The following FAM3C variants were observed in gnomAD, a reference collection of about 807,000 sequenced individuals.
FAM3C encodes FAM3 metabolism regulating signaling molecule C, also known as protein FAM3C.
In FAM3C, 15 loss-of-function variants were observed where a neutral mutation model predicts 32.5. The observed-to-expected ratio is 0.46, with a 90% CI of 0.31 to 0.71. FAM3C has a LOEUF of 0.71. FAM3C is among the 30% of genes least tolerant of loss of function. The pLI is 0.05. For synonymous variants in FAM3C, 75 were observed against 86.1 expected (o/e 0.87, Z 0.72); for missense variants, 175 against 274.4 (o/e 0.64, Z 2.56).
At chr7:121,361,527 C>T (rs1443292229) in intron 7 of FAM3C, among the ~76,000 whole-genome samples, 1 of 152,198 alleles carries the variant, frequency 6.6e-6, no homozygotes, top group African/African-American at 2.4e-5. Context: ...ATTTCAACAA[C>T]AGCTTTGTAA....
rs1057047520 is a variant in FAM3C at position 121,362,172 on chromosome 7, C to T, written c.382+725G>A. ...TCAAAAGATAAACCAGTGTTGGCCT[C>T]CCTTCAAACTGGAGGAAAAAAACCC... On this transcript the variant is annotated intron_variant, in intron 7 of 9. Coordinates refer to ENST00000359943, the MANE Select transcript of FAM3C (RefSeq NM_014888.3). Among the ~76,000 whole-genome samples, 5 of 152,164 alleles carry T rather than the reference C, an allele frequency of 3.3e-5. No homozygotes were observed. The East Asian group carries it at 9.6e-4, about 29-fold the overall frequency.
chr7:121,383,807 G>C (rs906734912), intron 1 of FAM3C, among the ~76,000 whole-genome samples: 2 of 152,136 alleles, frequency 1.3e-5, no homozygotes, highest in African/African-American at 2.4e-5. Flanking sequence ...TAATAAGAAA[G>C]CCACATTCAA....
chr7:121,353,680 C>T (rs948392897), intron 8 of FAM3C, among the ~76,000 whole-genome samples: 1 of 152,192 alleles, frequency 6.6e-6, no homozygotes, highest in African/African-American at 2.4e-5. Flanking sequence ...GCCTACATGA[C>T]CAGCCCCTAA....
chr7:121,356,961 C>A (rs1230668413), intron 8 of FAM3C, among the ~76,000 whole-genome samples: 1 of 152,104 alleles, frequency 6.6e-6, no homozygotes, highest in South Asian at 2.1e-4. Flanking sequence ...AATCAAGAAA[C>A]ACCATGATTA....
intron 5 of FAM3C, among the ~76,000 whole-genome samples, chr7:121,369,025 G>A (rs1311888350): frequency 6.9e-6 from 1 of 145,484 alleles, no homozygotes; most frequent in Non-Finnish European, 1.5e-5. Context: ...GCCCACCCAG[G>A]CTGCAGTGCA....
chr7:121,373,920 C>T (rs1327069951), intron 3 of FAM3C, among the ~76,000 whole-genome samples: 1 of 150,238 alleles, frequency 6.7e-6, no homozygotes, highest in East Asian at 1.9e-4. Context: ...GGCGTGAACC[C>T]GCGAGGTGGA....
rs200852373 is a variant in FAM3C, at chr7:121,390,852, GC to G, written c.-42+5309del. Among the ~76,000 whole-genome samples the G allele has an allele frequency of 8.6e-4, 26 of 30,084 alleles. 3 individuals are homozygous for G. Among genetic ancestry groups the G allele is most frequent in the South Asian group, 2.6e-3 (1 of 392 alleles). 19.7% of individuals were successfully genotyped at this position (30,084 alleles called of 152,430 possible). A position where few individuals can be genotyped will look rare whatever the true frequency, so the allele number is the denominator to read the frequency against. On this transcript the variant is annotated intron_variant, in intron 1 of 9. Transcript: ENST00000359943. ...ACACACACAGGAAAGGCTGTGTGGG[GC>G]GGGGGGGGGGGGGGGGGGGAAGGTA...
At chr7:121,391,987 C>T (rs1167327785) in intron 1 of FAM3C, among the ~76,000 whole-genome samples, 8 of 152,202 alleles carry the variant, frequency 5.3e-5, no homozygotes, top group Non-Finnish European at 8.8e-5. Flanking sequence ...AATTACATAT[C>T]TAGGGGACCT....
At chr7:121,371,463 A>G (rs746939144) in intron 4 of FAM3C, 40 bp from the exon 5 acceptor site, 1 of 1,606,504 alleles carries the variant, frequency 6.2e-7, no homozygotes, top group South Asian at 1.1e-5. Context: ...TTAGAAAACA[A>G]GTTAACAGAC....
At chr7:121,383,545 T>C (rs1332083450) in intron 1 of FAM3C, among the ~76,000 whole-genome samples, 1 of 152,188 alleles carries the variant, frequency 6.6e-6, no homozygotes, top group African/African-American at 2.4e-5. Context: ...GACCTCTTCA[T>C]GTTTTTCGAT....
chr7:121,395,254 T>C (rs1794662243), intron 1 of FAM3C, among the ~76,000 whole-genome samples: 1 of 139,584 alleles, frequency 7.2e-6, no homozygotes. Flanking sequence ...TATATATGGA[T>C]ACATACATAT....
intron 5 of FAM3C, among the ~76,000 whole-genome samples, chr7:121,364,894 T>C (rs902373985): frequency 1.3e-5 from 2 of 152,148 alleles, no homozygotes; most frequent in African/African-American, 4.8e-5. Context: ...ATTAGAATTA[T>C]TAAACTAAAA....
At chr7:121,363,711 T>C (rs1180905599) in intron 6 of FAM3C, among the ~76,000 whole-genome samples, 1 of 152,198 alleles carries the variant, frequency 6.6e-6, no homozygotes, top group African/African-American at 2.4e-5. Flanking sequence ...TTCATACTAA[T>C]TAAGCTATCA....
chr7:121,350,957 T>C, intron 9 of FAM3C, among the ~76,000 whole-genome samples, 186 bp downstream of exon 9: 1 of 152,196 alleles, frequency 6.6e-6, no homozygotes, highest in East Asian at 1.9e-4. Context: ...CATGCAGAAT[T>C]TTCAAGTTTT....
intron 5 of FAM3C, among the ~76,000 whole-genome samples, chr7:121,368,977 T>G (rs1584697093): frequency 1.9e-5 from 2 of 107,682 alleles, no homozygotes; most frequent in East Asian, 2.0e-4. Flanking sequence ...TTGTTGTTTT[T>G]TTTTTTTTTT....
intron 5 of FAM3C, among the ~76,000 whole-genome samples, chr7:121,365,395 T>C (rs957884015): frequency 6.6e-6 from 1 of 152,140 alleles, no homozygotes; most frequent in Non-Finnish European, 1.5e-5. Context: ...ACATTTTTGG[T>C]GCTATCCACC....
intron 1 of FAM3C, among the ~76,000 whole-genome samples, chr7:121,395,934 G>A (rs1794684836): frequency 6.6e-6 from 1 of 151,628 alleles, no homozygotes; most frequent in Non-Finnish European, 1.5e-5. Context: ...CCACGCCGGG[G>A]CGGCGGCCGG....
At chr7:121,386,201 G>C (rs1191966462) in intron 1 of FAM3C, among the ~76,000 whole-genome samples, 2 of 152,086 alleles carry the variant, frequency 1.3e-5, no homozygotes, top group African/African-American at 4.8e-5. Flanking sequence ...TACACCCTTT[G>C]ATGTACCTAC....
At chr7:121,351,352 C>A in intron 8 of FAM3C, 83 bp from the exon 9 acceptor site, 1 of 1,268,308 alleles carries the variant, frequency 7.9e-7, no homozygotes, top group Non-Finnish European at 1.1e-6. Context: ...TAACACAAAA[C>A]ATGAGACAAA....
Sources: allele counts gnomAD v4.1 joint callset (sites outside exome capture counted in the v4.1 genomes callset), GRCh38; gene constraint gnomAD v4.1.1; transcripts MANE v1.5; gene names NCBI Gene and HGNC (gene_info 2026-07-23, HGNC 2026-07-21).